PIP5K1B: variants seen among roughly 807,000 people sequenced by gnomAD.
PIP5K1B encodes the protein phosphatidylinositol-4-phosphate 5-kinase type 1 beta, also known as phosphatidylinositol 4-phosphate 5-kinase type-1 beta.
In PIP5K1B, 42 loss-of-function variants were observed where a neutral mutation model predicts 67.0. The observed-to-expected ratio is 0.63, with a 90% CI of 0.49 to 0.81. PIP5K1B has a LOEUF of 0.81. Ranked by LOEUF, PIP5K1B falls within the 30% of genes least tolerant of loss-of-function variation. The probability of loss-of-function intolerance (pLI) is 0.00; values close to 1 mark genes in which losing one functional copy is unlikely to be tolerated. For missense variants in PIP5K1B, 459 were observed against 646.3 expected, an observed-to-expected ratio of 0.71 and a Z score of 3.14; for synonymous variants, 214 against 231.4, an observed-to-expected ratio of 0.92 and a Z score of 0.68.
chr9:68,856,445 C>T (rs1370183023), intron 4 of PIP5K1B, among the ~76,000 whole-genome samples: 3 of 152,188 alleles, frequency 2.0e-5, no homozygotes, highest in Non-Finnish European at 4.4e-5. Context: ...CCCATTCTCA[C>T]TTTTCAGGTC....
At chr9:68,982,678 C>T (rs1391726079) in intron 14 of PIP5K1B, among the ~76,000 whole-genome samples, 2 of 151,962 alleles carry the variant, frequency 1.3e-5, no homozygotes, top group Middle Eastern at 3.2e-3. Flanking sequence ...AGGAGAATCG[C>T]TTAAGCCCGG....
intron 8 of PIP5K1B, among the ~76,000 whole-genome samples, chr9:68,914,183 T>TA (rs546319588): frequency 3.4e-4 from 52 of 152,156 alleles, no homozygotes; most frequent in Admixed American, 1.6e-3. Flanking sequence ...AGCATTTTTT[T>TA]AAAAAAAACA....
chr9:68,890,985 C>T lies in PIP5K1B; in HGVS notation c.471+1852C>T, dbSNP rs376157492. On this transcript the variant is annotated intron_variant, in intron 7 of 15. Transcript: ENST00000265382. ...GTTAAGGGCCAGGAATGGTGGCTCA[C>T]ACCTGTAATCCCAGCACTTTGGGAG... Among the ~76,000 whole-genome samples the T allele has an allele frequency of 3.6e-4, 55 of 152,296 alleles. No homozygotes were observed. The Middle Eastern group carries it at 0.01, about 28-fold the overall frequency.
At chr9:68,954,699 A>G (rs1332019973) in intron 14 of PIP5K1B, among the ~76,000 whole-genome samples, 1 of 152,218 alleles carries the variant, frequency 6.6e-6, no homozygotes, top group Non-Finnish European at 1.5e-5. Flanking sequence ...GCCCCACATG[A>G]GAGAGGACTA....
At chr9:68,965,640 A>G (rs1229651295) in intron 14 of PIP5K1B, 1 of 152,202 alleles carries the variant, frequency 6.6e-6, no homozygotes, top group Non-Finnish European at 1.5e-5. Flanking sequence ...AAACCATCCA[A>G]AAATACAGGT....
chr9:68,832,874 G>A (rs948579985), intron 4 of PIP5K1B, among the ~76,000 whole-genome samples: 1 of 152,214 alleles, frequency 6.6e-6, no homozygotes, highest in Non-Finnish European at 1.5e-5. Flanking sequence ...TGGTTATTGA[G>A]CACAGGGCTG....
intron 15 of PIP5K1B, among the ~76,000 whole-genome samples, chr9:68,991,830 A>G (rs988575753): frequency 1.3e-5 from 2 of 152,236 alleles, no homozygotes; most frequent in African/African-American, 4.8e-5. Flanking sequence ...GTGCCTGTCA[A>G]ATTACCTGTA....
chr9:68,996,035 G>A (rs917521917), intron 15 of PIP5K1B, among the ~76,000 whole-genome samples: 2 of 152,130 alleles, frequency 1.3e-5, no homozygotes, highest in African/African-American at 4.8e-5. Flanking sequence ...CTTTAAGATA[G>A]CATTTCTCTA....
intron 1 of PIP5K1B, among the ~76,000 whole-genome samples, chr9:68,709,793 C>A (rs2151416): frequency 1.3e-5 from 2 of 151,950 alleles, no homozygotes; most frequent in Non-Finnish European, 2.9e-5. Flanking sequence ...GCCTGTGGTC[C>A]CAGCTACTTG....
At chr9:68,773,834 A>G (rs1446590965) in intron 2 of PIP5K1B, among the ~76,000 whole-genome samples, 1 of 152,204 alleles carries the variant, frequency 6.6e-6, no homozygotes, top group Admixed American at 6.5e-5. Context: ...CGGGCCCTCA[A>G]TGATTATTTG....
At chr9:68,928,714 GCTGCTACAGTGGAAAATAGTC>G (rs1394448939) in intron 12 of PIP5K1B, among the ~76,000 whole-genome samples, 4 of 152,142 alleles carry the variant, frequency 2.6e-5, no homozygotes, top group African/African-American at 7.2e-5. Flanking sequence ...TGTTTATAGT[GCTGCTACAGTGGAAAATAGTC>G]CTGCTACAGT....
chr9:68,904,271 G>C (rs187003681), intron 8 of PIP5K1B, among the ~76,000 whole-genome samples: 2 of 152,334 alleles, frequency 1.3e-5, no homozygotes, highest in African/African-American at 4.8e-5. Context: ...AACATGGACA[G>C]ATATAGGCAG....
chr9:68,892,112 A>T (rs1411350134), intron 7 of PIP5K1B, among the ~76,000 whole-genome samples: 3 of 152,180 alleles, frequency 2.0e-5, no homozygotes, highest in African/African-American at 7.2e-5. Context: ...ATAATGAAGA[A>T]ATCTGCATTG....
intron 8 of PIP5K1B, among the ~76,000 whole-genome samples, chr9:68,913,303 T>G (rs1239900858): frequency 6.6e-6 from 1 of 152,192 alleles, no homozygotes; most frequent in Non-Finnish European, 1.5e-5. Context: ...AATGCACAGG[T>G]ACAGAATATA....
At chr9:68,871,529 GC>G (rs757087880) in intron 5 of PIP5K1B, among the ~76,000 whole-genome samples, 1 of 152,176 alleles carries the variant, frequency 6.6e-6, no homozygotes, top group Non-Finnish European at 1.5e-5. Context: ...AGTAGCTTTG[GC>G]CTTAAAAATG....
intron 14 of PIP5K1B, among the ~76,000 whole-genome samples, chr9:68,949,356 G>T (rs1313242195): frequency 1.3e-5 from 2 of 152,124 alleles, no homozygotes; most frequent in African/African-American, 2.4e-5. Context: ...CTGCATTTTG[G>T]CAAGCTCCTT....
intron 1 of PIP5K1B, among the ~76,000 whole-genome samples, chr9:68,730,253 A>G (rs1346173368): frequency 6.6e-6 from 1 of 152,246 alleles, no homozygotes; most frequent in Admixed American, 6.5e-5. Flanking sequence ...TGAAGAACAG[A>G]AGAAAATATA....
intron 2 of PIP5K1B, among the ~76,000 whole-genome samples, chr9:68,805,235 G>A (rs1832807488): frequency 6.6e-6 from 1 of 152,138 alleles, no homozygotes; most frequent in Non-Finnish European, 1.5e-5. Flanking sequence ...TGTGTGTAGA[G>A]GCTCCTTCAC....
Position 69,008,651 on chromosome 9 carries a change from A to G in PIP5K1B, c.*202A>G, listed in dbSNP as rs571073423. On this transcript the variant is annotated 3_prime_UTR_variant, in exon 16 of 16. Transcript: ENST00000265382. Reference sequence around the variant, plus strand: ...GATGTGAAAAATACTACCCTATTCTATCATTTGCTGTTGCTTGCTGAACTG... The same window carrying G: ...GATGTGAAAAATACTACCCTATTCTGTCATTTGCTGTTGCTTGCTGAACTG... 20 of 592,380 alleles carry G rather than the reference A, an allele frequency of 3.4e-5. No individual in the cohort carries two copies. In the African/African-American group the frequency reaches 3.5e-4, roughly 10 times the overall value. 36.7% of individuals were successfully genotyped at this position (592,380 alleles called of 1,614,324 possible).
Sources: gnomAD v4.1 joint callset for allele counts (sites outside exome capture counted in the v4.1 genomes callset) on GRCh38, gnomAD v4.1.1 for gene constraint, MANE v1.5 for transcripts, NCBI Gene and HGNC (gene_info 2026-07-23, HGNC 2026-07-21) for gene names.